ADAR: variants seen among roughly 807,000 people sequenced by gnomAD.
ADAR encodes double-stranded RNA-specific adenosine deaminase.
A neutral mutation model predicts 113.2 loss-of-function variants in ADAR; 41 were observed. The observed-to-expected ratio is 0.36, with a 90% confidence interval of 0.28 to 0.47. ADAR has a LOEUF of 0.47. Among genes scored for constraint, ADAR ranks in the 20% least tolerant of loss-of-function variants. The pLI is 1.00. For synonymous variants in ADAR, 605 were observed against 572.6 expected, an observed-to-expected ratio of 1.06 and a Z score of -0.81; for missense variants, 1,242 against 1,540.9, an observed-to-expected ratio of 0.81 and a Z score of 3.25.
At chr1:154,618,209 A>T (rs897208756) in intron 1 of ADAR, among the ~76,000 whole-genome samples, 8 of 151,558 alleles carry the variant, frequency 5.3e-5, no homozygotes, top group African/African-American at 1.9e-4. Context: ...ACATTAAATT[A>T]AAAAAAAGAA....
chr1:154,606,348 T>A (rs1009054854), intron 1 of ADAR, among the ~76,000 whole-genome samples: 8 of 152,218 alleles, frequency 5.3e-5, no homozygotes, highest in Admixed American at 1.3e-4. Context: ...TTTATTTTTT[T>A]AAAATGTGTC....
In ADAR at chr1:154,615,131, C is replaced by T. The variant is rs557671476; in HGVS notation, c.-870-12505G>A. ...TCTGGAGGGAGCACAGCCCTGCCAA[C>T]ATGGCCCAGTGATACTGATTTCAGA... On this transcript the variant is annotated intron_variant, in intron 1 of 14. Coordinates refer to the ADAR transcript ENST00000368471. Among the ~76,000 whole-genome samples the T allele has an allele frequency of 1.6e-4, 25 of 152,370 alleles. No homozygotes were observed. The South Asian group carries it at 1.7e-3, about 10-fold the overall frequency.
Position 154,601,111 on chromosome 1 carries a change from A to G in ADAR, c.1531T>C (p.Tyr511His). Residue 511 changes from tyrosine (Y) to histidine (H), a missense_variant, in exon 2 of 15, where the codon TAT becomes CAT. By Grantham distance (83) the Tyr-to-His change is moderately conservative. Around this residue, in one of 2 missense-constraint regions of ADAR, gnomAD observed 780 missense variants for 1,057.9 expected, o/e 0.74. Transcript: ENST00000368474. This position sits in a 1 kb window ranked among gnomAD's most constrained non-coding sequence, Gnocchi z 4.7. ...LKNPISGLLE[Y>H]AQFASQTCEF... ...CAGGTTTGACTAGCGAACTGGGCAT[A>G]TTCTAACAGCCCGCTGATGGGGTTC... 2 of 1,614,184 alleles carry G rather than the reference A, an allele frequency of 1.2e-6. No homozygotes were observed. Among genetic ancestry groups the G allele is most frequent in the Non-Finnish European group, 1.7e-6 (2 of 1,180,038 alleles).
chr1:154,597,287 G>GT lies in ADAR; in HGVS notation c.1935-21dup. Reference sequence around the variant, plus strand: ...TGGAACCTGACAGGAGATGAAGCACGTAGAAGGATTAAAATGGTTTTGACT... The same window carrying GT: ...TGGAACCTGACAGGAGATGAAGCACGTTAGAAGGATTAAAATGGTTTTGACT... On this transcript the variant is annotated intron_variant, in intron 4 of 14. Coordinates refer to ENST00000368474, the MANE Select transcript of ADAR (RefSeq NM_001111.5). 6.2e-7 allele frequency: 1 copy of GT among 1,614,024 alleles called. No individual in the cohort carries two copies. The highest frequency in any genetic ancestry group is 8.5e-7 in the Non-Finnish European group (1 of 1,180,014).
rs1178329666 is a variant in ADAR, at chr1:154,596,867, G to A, written c.2208C>T (p.Arg736=). The part of the protein sequence containing the change: ...NPVGGLLEYA[R]SHGFAAEFKL... Reference sequence around the variant, plus strand: ...TGAATTCAGCAGCAAAGCCATGGGAGCGGGCGTACTCCAAAAGGCCACCCA... The same window carrying A: ...TGAATTCAGCAGCAAAGCCATGGGAACGGGCGTACTCCAAAAGGCCACCCA... Residue 736 remains arginine (R), a synonymous_variant, in exon 6 of 15, where the codon CGC becomes CGT. Transcript: ENST00000368474. The A allele has an allele frequency of 1.2e-6, 2 of 1,614,156 alleles. No individual in the cohort carries two copies. Among genetic ancestry groups the A allele is most frequent in the Non-Finnish European group, 1.7e-6 (2 of 1,180,038 alleles).
At chr1:154,590,138 A>AGGGGGGGGGGGGGGGGGG in intron 7 of ADAR, 46 bp downstream of exon 7, 7 of 1,173,762 alleles carry the variant, frequency 6.0e-6, no homozygotes, top group African/African-American at 1.8e-5. Flanking sequence ...AGGAGTTAGG[A>AGGGGGGGGGGGGGGGGGG]GGACCCCCCC....
chr1:154,621,928 T>C (rs1698800348), intron 1 of ADAR, among the ~76,000 whole-genome samples: 1 of 151,810 alleles, frequency 6.6e-6, no homozygotes, highest in Admixed American at 6.6e-5. Context: ...TACTTTTTTG[T>C]TGTTGTCAAA....
rs762154913 is a variant in ADAR at position 154,602,676 on chromosome 1, G to A, written c.16-50C>T. On this transcript the variant is annotated intron_variant, in intron 1 of 14. Transcript: ENST00000368474. ...GAAAATGAATTAGGGCTGCAGTGGT[G>A]AACCTGTGGAGGCCCCTCCCTTTGC... 6.2e-6 allele frequency: 10 copies of A among 1,602,692 alleles called. No individual in the cohort carries two copies. In the Admixed American group the frequency reaches 8.3e-5, roughly 13 times the overall value.
rs1697897171 is a variant in ADAR, at chr1:154,601,784, G to A, written c.858C>T (p.Ala286=). The A allele has an allele frequency of 6.2e-7, 1 of 1,614,116 alleles. No homozygotes were observed. Among genetic ancestry groups the A allele is most frequent in the South Asian group, 1.1e-5 (1 of 91,088 alleles). The change falls in exon 2 of 15, where the codon GCC becomes GCT. Residue 286 remains alanine (A), a synonymous_variant. Coordinates refer to ENST00000368474, the MANE Select transcript of ADAR (RefSeq NM_001111.5). The surrounding 1 kb of genome is among the most constrained non-coding windows in gnomAD (Gnocchi z 4.7). ...CTAAAAACTCAAGAGGATCTTCCAA[G>A]GCAGATGTGGAGTTGCTGTCTTCAG... ...LEPEDSNSTS[A]LEDPLEFLDM...
chr1:154,626,155 G>A (rs936869854), intron 1 of ADAR, among the ~76,000 whole-genome samples: 8 of 148,146 alleles, frequency 5.4e-5, no homozygotes, highest in African/African-American at 1.0e-4. Flanking sequence ...TTTCGCTGTC[G>A]TCCAGGCTGG....
chr1:154,607,884 C>G, intron 1 of ADAR, 108 bp downstream of exon 1: 1 of 1,547,652 alleles, frequency 6.5e-7, no homozygotes, highest in South Asian at 1.2e-5. Flanking sequence ...CACACACACA[C>G]ACACTCTAAC....
rs550676403 is a variant in ADAR at position 154,597,676 on chromosome 1, C to T, written c.1934+152G>A. 1.3e-4 allele frequency: 130 copies of T among 1,019,134 alleles called. 3 individuals are homozygous for T. The South Asian group carries it at 1.4e-3, about 11-fold the overall frequency. The allele number at this position is 1,019,134 out of a possible 1,614,324, so 63.1% of individuals were successfully genotyped here. A position where few individuals can be genotyped will look rare whatever the true frequency, so the allele number is the denominator to read the frequency against. ...TCCTAATCCCTAATTGTCTGCCTCA[C>T]AAGCAGCAACCAGGACCTCAGAGCC... On this transcript the variant is annotated intron_variant, in intron 4 of 14. Coordinates refer to ENST00000368474, the MANE Select transcript of ADAR (RefSeq NM_001111.5).
At chr1:154,622,996 T>C (rs961933532) in intron 1 of ADAR, among the ~76,000 whole-genome samples, 8 of 152,146 alleles carry the variant, frequency 5.3e-5, no homozygotes, top group Non-Finnish European at 8.8e-5. Context: ...AAATATACAA[T>C]GTCAGTTATG....
At chr1:154,607,202 CT>C (rs1698249994) in intron 1 of ADAR, among the ~76,000 whole-genome samples, 2 of 152,086 alleles carry the variant, frequency 1.3e-5, no homozygotes, top group Admixed American at 6.5e-5. Flanking sequence ...TATAAATGGA[CT>C]CATACAGTAT....
intron 1 of ADAR, among the ~76,000 whole-genome samples, chr1:154,614,457 T>G (rs1571142853): frequency 6.6e-6 from 1 of 152,210 alleles, no homozygotes; most frequent in Non-Finnish European, 1.5e-5. Context: ...CCCAGCCTCA[T>G]GCAAGAGCAA....
chr1:154,600,525 G>A (rs1004878127), intron 2 of ADAR: 1 of 178,100 alleles, frequency 5.6e-6, no homozygotes, highest in Admixed American at 5.5e-5. Context: ...CCAGGCTGGA[G>A]TGCAGTGGCG....
upstream of ADAR, chr1:154,608,825 T>TGGGGGGGGGGGGGGGGGGGGG (rs1350116686): frequency 2.6e-5 from 1 of 38,710 alleles, no homozygotes; most frequent in African/African-American, 1.1e-4. Flanking sequence ...GTCTCCAATG[T>TGGGGGGGGGGGGGGGGGGGGG]GGAGGGGGGG....
chr1:154,607,677 T>C (rs928804530), intron 1 of ADAR, among the ~76,000 whole-genome samples: 1 of 152,014 alleles, frequency 6.6e-6, no homozygotes, highest in African/African-American at 2.4e-5. Context: ...ATGAGCAGGA[T>C]ACAAATTCAC....
intron 6 of ADAR, among the ~76,000 whole-genome samples, chr1:154,591,977 G>A (rs1300180746): frequency 2.0e-5 from 3 of 152,172 alleles, no homozygotes; most frequent in Admixed American, 6.5e-5. Flanking sequence ...AGAATTTCAT[G>A]ACTGCCCCAT....
Sources: gnomAD v4.1 joint callset for allele counts (sites outside exome capture counted in the v4.1 genomes callset) on GRCh38, gnomAD v4.1.1 for gene constraint, gnomAD v4.1.1 regional missense constraint, Gnocchi (gnomAD v3.1) non-coding constraint, MANE v1.5 for transcripts, NCBI Gene and HGNC (gene_info 2026-07-23, HGNC 2026-07-21) for gene names.